SGCD: variants seen among roughly 807,000 people sequenced by gnomAD.
SGCD encodes sarcoglycan delta.
SGCD carries 18 observed loss-of-function variants against 36.6 expected under a neutral mutation model. The ratio of observed to expected loss-of-function variants is 0.49; its 90% CI spans 0.34 to 0.73. The LOEUF is 0.73. Ranked by LOEUF, SGCD falls within the 30% of genes least tolerant of loss-of-function variation. The pLI is 0.01. For synonymous variants in SGCD, 133 were observed against 130.6 expected (o/e 1.02, Z -0.12); for missense variants, 387 against 346.7 (o/e 1.12, Z -0.92).
intron 1 of SGCD, among the ~76,000 whole-genome samples, chr5:155,891,558 CTTTTTTTTT>C (rs372399423): frequency 1.6e-5 from 1 of 60,778 alleles, no homozygotes; most frequent in African/African-American, 6.9e-5. Flanking sequence ...AATAAATACT[CTTTTTTTTT>C]TTTTTTTTTT....
At chr5:156,630,618 T>C (rs1762597727) in intron 6 of SGCD, among the ~76,000 whole-genome samples, 1 of 152,204 alleles carries the variant, frequency 6.6e-6, no homozygotes, top group South Asian at 2.1e-4. Context: ...AAATGACTTA[T>C]TAAAGCTTAT....
chr5:155,931,496 A>G (rs1757096090), intron 1 of SGCD, among the ~76,000 whole-genome samples: 1 of 152,188 alleles, frequency 6.6e-6, no homozygotes, highest in Admixed American at 6.6e-5. Flanking sequence ...TGTCATTTAT[A>G]CAATTGTTTC....
In SGCD at chr5:156,364,369, A is replaced by AT. The variant is rs34108692; in HGVS notation, c.192+19703dup. ...ATCTTATTATTAGTGTCAGGGCTAC[A>AT]TTTTTTTTTTTAATGCGCAATGAAA... On this transcript the variant is annotated intron_variant, in intron 3 of 8. Transcript: ENST00000337851. Among the ~76,000 whole-genome samples the AT allele has an allele frequency of 1.3e-3, 198 of 148,700 alleles. 1 individual carries two copies. Among genetic ancestry groups the AT allele is most frequent in the Non-Finnish European group, 2.1e-3 (142 of 66,858 alleles).
intron 1 of SGCD, among the ~76,000 whole-genome samples, chr5:156,072,056 C>T (rs1356500212): frequency 1.3e-5 from 2 of 152,170 alleles, no homozygotes; most frequent in African/African-American, 4.8e-5. Flanking sequence ...CTCAATACAG[C>T]ACACTGATGG....
chr5:156,337,268 T>A (rs981321732), intron 2 of SGCD, among the ~76,000 whole-genome samples: 8 of 152,206 alleles, frequency 5.3e-5, no homozygotes, highest in Non-Finnish European at 1.2e-4. Flanking sequence ...CTGGTTACAA[T>A]CTCATAGTTA....
chr5:156,169,083 G>A (rs1042906902), intron 3 of SGCD, among the ~76,000 whole-genome samples: 1 of 152,222 alleles, frequency 6.6e-6, no homozygotes, highest in Non-Finnish European at 1.5e-5. Context: ...AAAATGCTAA[G>A]GCTCTCCCAC....
At chr5:156,383,380 G>T (rs1044530384) in intron 3 of SGCD, among the ~76,000 whole-genome samples, 1 of 152,004 alleles carries the variant, frequency 6.6e-6, no homozygotes, top group African/African-American at 2.4e-5. Context: ...GCATGTGCAT[G>T]TTAGTCCCAG....
chr5:156,178,623 G>A (rs990842857), intron 3 of SGCD, among the ~76,000 whole-genome samples: 2 of 152,196 alleles, frequency 1.3e-5, no homozygotes, highest in South Asian at 2.1e-4. Context: ...TAGAACGATG[G>A]CATTCTGATG....
chr5:156,068,391 C>T (rs904341263), intron 1 of SGCD, among the ~76,000 whole-genome samples: 17 of 151,844 alleles, frequency 1.1e-4, no homozygotes, highest in African/African-American at 2.9e-4. Flanking sequence ...TTTGTTCTTG[C>T]GATACTTTAC....
chr5:156,347,382 G>A (rs556231729), intron 3 of SGCD, among the ~76,000 whole-genome samples: 1 of 152,166 alleles, frequency 6.6e-6, no homozygotes, highest in African/African-American at 2.4e-5. Context: ...TATTAAACAG[G>A]AGAATACTGA....
At chr5:156,259,861 G>A (rs12653936) in intron 3 of SGCD, among the ~76,000 whole-genome samples, 24,195 of 152,092 alleles carry the variant, frequency 0.16, 2,132 homozygotes, top group Admixed American at 0.21. Flanking sequence ...ATGGGATGCC[G>A]TTTGTCATGT....
intron 4 of SGCD, among the ~76,000 whole-genome samples, chr5:156,542,041 C>G (rs1758368589): frequency 6.6e-6 from 1 of 152,126 alleles, no homozygotes; most frequent in Admixed American, 6.5e-5. Context: ...AAACATTTGA[C>G]TTTCTTGAAA....
intron 1 of SGCD, among the ~76,000 whole-genome samples, chr5:155,985,030 T>C (rs1758302853): frequency 6.6e-6 from 1 of 152,184 alleles, no homozygotes; most frequent in South Asian, 2.1e-4. Flanking sequence ...TGGATTGAAA[T>C]AAGGCTCACC....
At chr5:156,225,967 G>A (rs1227172449) in intron 3 of SGCD, among the ~76,000 whole-genome samples, 1 of 152,058 alleles carries the variant, frequency 6.6e-6, no homozygotes, top group Non-Finnish European at 1.5e-5. Flanking sequence ...GAAAGCTGTT[G>A]GGCATATGGA....
chr5:155,964,609 G>T (rs143015326), intron 1 of SGCD, among the ~76,000 whole-genome samples: 64 of 152,210 alleles, frequency 4.2e-4, no homozygotes, highest in Non-Finnish European at 8.1e-4. Flanking sequence ...TTACAGGCGT[G>T]AGCCACCACA....
At chr5:156,174,156 G>A (rs866665751) in intron 3 of SGCD, among the ~76,000 whole-genome samples, 9 of 151,564 alleles carry the variant, frequency 5.9e-5, no homozygotes, top group South Asian at 2.1e-4. Context: ...ATGAATCTGA[G>A]GGGTGGAACT....
intron 1 of SGCD, among the ~76,000 whole-genome samples, chr5:156,105,616 T>G (rs1761626414): frequency 6.6e-6 from 1 of 152,232 alleles, no homozygotes; most frequent in Admixed American, 6.5e-5. Context: ...TGTTTTTTCA[T>G]GGTCAGCTTC....
intron 3 of SGCD, among the ~76,000 whole-genome samples, chr5:156,351,597 G>C (rs984385913): frequency 7.9e-6 from 1 of 126,226 alleles, no homozygotes; most frequent in African/African-American, 3.1e-5. Context: ...GTTTGCTATC[G>C]TCGTAGTCAT....
chr5:156,317,306 A>T (rs991558376), intron 3 of SGCD, among the ~76,000 whole-genome samples: 2 of 152,148 alleles, frequency 1.3e-5, no homozygotes, highest in Non-Finnish European at 2.9e-5. Flanking sequence ...TATTTTGTTA[A>T]GGCCTTGCAC....
Sources: allele counts gnomAD v4.1 joint callset (sites outside exome capture counted in the v4.1 genomes callset), GRCh38; gene constraint gnomAD v4.1.1; transcripts MANE v1.5; gene names NCBI Gene and HGNC (gene_info 2026-07-23, HGNC 2026-07-21).